TRIM51: variants seen among roughly 807,000 people sequenced by gnomAD.
TRIM51 encodes the protein tripartite motif-containing protein 51.
In TRIM51, 23 loss-of-function variants were observed where a neutral mutation model predicts 32.7. The observed-to-expected ratio is 0.70, with a 90% confidence interval of 0.51 to 1.00. TRIM51 has a LOEUF of 1.00. Among genes scored for constraint, TRIM51 ranks in the 50% least tolerant of loss-of-function variants. TRIM51 has a pLI of 0.00. For missense variants in TRIM51, 592 were observed against 539.2 expected, an observed-to-expected ratio of 1.10 and a Z score of -0.97; for synonymous variants, 177 against 181.9, an observed-to-expected ratio of 0.97 and a Z score of 0.22.
At position 55,891,805 on chromosome 11, in the gene TRIM51, T is replaced by C. The variant is rs185735486; in HGVS notation, c.*173T>C. On this transcript the variant is annotated 3_prime_UTR_variant, in exon 7 of 7. Transcript: ENST00000449290. ...GTTTCTATTAAATATGGTGAAAACA[T>C]TAAAACCATGTGTATTGATTCCTTT... is the stretch of plus-strand genomic sequence containing the variant. 1.9e-3 allele frequency: 1,439 copies of C among 762,072 alleles called. 13 individuals are homozygous for C. Among genetic ancestry groups the C allele is most frequent in the African/African-American group, 0.014 (820 of 56,688 alleles). The allele number at this position is 762,072 out of a possible 1,614,324, so 47.2% of individuals were successfully genotyped here.
intron 2 of TRIM51, 39 bp from the exon 3 acceptor site, chr11:55,886,084 T>C (rs746878666): frequency 1.9e-6 from 3 of 1,579,064 alleles, no homozygotes; most frequent in South Asian, 1.1e-5. Context: ...TGATACTTTA[T>C]TGTCCTCACT....
chr11:55,884,810 A>G (rs1323973228), intron 1 of TRIM51, among the ~76,000 whole-genome samples: 2 of 152,192 alleles, frequency 1.3e-5, no homozygotes, highest in African/African-American at 4.8e-5. Flanking sequence ...TGAGTAGCCC[A>G]AAGAAGAAGT....
chr11:55,886,971 G>C (rs1351118589), intron 3 of TRIM51, among the ~76,000 whole-genome samples: 5 of 151,928 alleles, frequency 3.3e-5, no homozygotes, highest in African/African-American at 1.2e-4. Context: ...TATCAACTTA[G>C]AAAATTAAGG....
rs541338517 is a variant in TRIM51, at chr11:55,886,016, T to C, written c.412-107T>C. The C allele has an allele frequency of 1.7e-3, 2,577 of 1,481,274 alleles. 24 individuals carry two copies. The highest frequency in any genetic ancestry group is 0.015 in the South Asian group (1,167 of 77,352). 91.8% of individuals were successfully genotyped at this position (1,481,274 alleles called of 1,614,324 possible). On this transcript the variant is annotated intron_variant, in intron 2 of 6. Coordinates refer to ENST00000449290, the MANE Select transcript of TRIM51 (RefSeq NM_032681.4). ...ACATGAGGAGAAACAAAGCAAACTCTCTTTTCTGTGGGTTAATTTGTCTCT... is the reference window on the plus strand; with the variant it reads ...ACATGAGGAGAAACAAAGCAAACTCCCTTTTCTGTGGGTTAATTTGTCTCT...
Position 55,891,459 on chromosome 11 carries a change from C to T in TRIM51, c.1186C>T (p.Pro396Ser). 2 of 1,613,260 alleles carry T rather than the reference C, an allele frequency of 1.2e-6. No homozygotes were observed. Among genetic ancestry groups the T allele is most frequent in the South Asian group, 1.1e-5 (1 of 91,076 alleles). The part of the protein sequence containing the change: ...DTHCSLFTTS[P>S]LVVQYVPRPT... ...TCACTGCAGTCTCTTTACCACCTCC[C>T]CACTTGTGGTGCAATATGTTCCAAG... The change falls in exon 7 of 7, where the codon CCA becomes TCA. Residue 396 changes from proline (P) to serine (S), a missense_variant. Coordinates refer to ENST00000449290, the MANE Select transcript of TRIM51 (RefSeq NM_032681.4).
rs150589110 is a variant in TRIM51 at position 55,888,162 on chromosome 11, A to G, written c.638A>G (p.Asn213Ser). 8.7e-6 allele frequency: 14 copies of G among 1,613,626 alleles called. No individual in the cohort carries two copies. Among genetic ancestry groups the G allele is most frequent in the South Asian group, 4.4e-5 (4 of 91,080 alleles). Residue 213 changes from asparagine (N) to serine (S), a missense_variant, in exon 4 of 7, where the codon AAT (asparagine) becomes AGT (serine). Asn to Ser is a conservative substitution (Grantham distance 46). Transcript: ENST00000449290. ...GGCGAGGACATTTTTCAGCAACTCA[A>G]TGAAAGCAAAGCCAGAATGGAACAT... ...KEGEDIFQQLNESKARMEHSR... is the reference protein window; with the variant it reads ...KEGEDIFQQLSESKARMEHSR...
intron 3 of TRIM51, among the ~76,000 whole-genome samples, chr11:55,887,135 G>A (rs1283169997): frequency 6.6e-6 from 1 of 151,912 alleles, no homozygotes; most frequent in Non-Finnish European, 1.5e-5. Context: ...ACAGAGGCCA[G>A]GGACTGGGGA....
intron 3 of TRIM51, among the ~76,000 whole-genome samples, chr11:55,887,821 T>C (rs899291586): frequency 3.3e-5 from 5 of 152,132 alleles, no homozygotes; most frequent in Non-Finnish European, 5.9e-5. Context: ...TTAGAAAACA[T>C]TTTATCATTA....
chr11:55,887,500 A>T (rs1237196250), intron 3 of TRIM51, among the ~76,000 whole-genome samples: 2 of 152,042 alleles, frequency 1.3e-5, no homozygotes, highest in African/African-American at 4.8e-5. Context: ...TTTAATTTGC[A>T]TTTATTTGGG....
Position 55,888,056 on chromosome 11 carries a change from G to A in TRIM51, c.532G>A (p.Ala178Thr), listed in dbSNP as rs753748084. ...WKDYVSLRIE[A>T]IRAEYQKMPA... is the part of the protein sequence containing the mutation. Reference sequence around the variant, plus strand: ...GGATTATGTGAGTTTAAGGATAGAAGCAATCAGAGCTGAATATCAGAAGAT... The same window carrying A: ...GGATTATGTGAGTTTAAGGATAGAAACAATCAGAGCTGAATATCAGAAGAT... The change falls in exon 4 of 7, where the codon GCA becomes ACA. Residue 178 changes from alanine to threonine, a missense_variant. Transcript: ENST00000449290. 5 of 1,609,190 alleles carry A rather than the reference G, an allele frequency of 3.1e-6. No individual in the cohort carries two copies. In the African/African-American group the frequency reaches 6.7e-5, roughly 22 times the overall value.
intron 3 of TRIM51, among the ~76,000 whole-genome samples, chr11:55,886,486 A>G (rs935368837): frequency 4.6e-5 from 7 of 152,256 alleles, no homozygotes; most frequent in Admixed American, 3.9e-4. Context: ...AGAAACTGGG[A>G]CACTTCACAC....
At chr11:55,890,562 C>A (rs1854635602) in intron 6 of TRIM51, among the ~76,000 whole-genome samples, 2 of 152,112 alleles carry the variant, frequency 1.3e-5, no homozygotes, top group South Asian at 4.1e-4. Flanking sequence ...ATGATAATTT[C>A]AGTTTAGTTA....
chr11:55,884,729 C>T (rs1398622573), intron 1 of TRIM51, among the ~76,000 whole-genome samples: 5 of 151,982 alleles, frequency 3.3e-5, no homozygotes, highest in Non-Finnish European at 7.4e-5. Flanking sequence ...TATAATTAAC[C>T]ATAATACCAT....
At chr11:55,889,791 A>T in intron 5 of TRIM51, 151 bp from the exon 6 acceptor site, 1 of 630,176 alleles carries the variant, frequency 1.6e-6, no homozygotes, top group Non-Finnish European at 2.9e-6. Context: ...AACTGTGAAT[A>T]AGAATGGATT....
intron 3 of TRIM51, among the ~76,000 whole-genome samples, chr11:55,886,876 G>A (rs1424490930): frequency 6.6e-6 from 1 of 151,842 alleles, no homozygotes; most frequent in African/African-American, 2.4e-5. Flanking sequence ...TTATATTGAG[G>A]GTATGATATC....
Position 55,888,143 on chromosome 11 carries a change from G to A in TRIM51, c.619G>A (p.Asp207Asn), listed in dbSNP as rs761842882. The A allele has an allele frequency of 1.7e-5, 28 of 1,613,616 alleles. 1 individual carries two copies. In the South Asian group the frequency reaches 3.1e-4, roughly 18 times the overall value. Residue 207 changes from aspartate to asparagine, a missense_variant, in exon 4 of 7, where the codon GAC becomes AAC. Asp to Asn is a conservative substitution (Grantham distance 23). Transcript: ENST00000449290. ...HLERLRKEGEDIFQQLNESKA... is the reference protein window; with the variant it reads ...HLERLRKEGENIFQQLNESKA... ...GGAAAGGCTGCGAAAGGAGGGCGAG[G>A]ACATTTTTCAGCAACTCAATGAAAG...
At chr11:55,887,974 A>G in intron 3 of TRIM51, 58 bp from the exon 4 acceptor site, 1 of 1,217,524 alleles carries the variant, frequency 8.2e-7, no homozygotes, top group Admixed American at 1.8e-5. Flanking sequence ...AAGAGGAATC[A>G]GTGAAATTCA....
In TRIM51 at chr11:55,891,757, T is replaced by C; in HGVS notation, c.*125T>C. 2 of 1,097,664 alleles carry C rather than the reference T, an allele frequency of 1.8e-6. No individual in the cohort carries two copies. The highest frequency in any genetic ancestry group is 2.6e-6 in the Non-Finnish European group (2 of 763,830). The allele number at this position is 1,097,664 out of a possible 1,614,324, so 68.0% of individuals were successfully genotyped here. ...TTTAATGTCTTTAGTTGCATTCTAA[T>C]GTCATCAAAACTCATTTATAGTGTT... On this transcript the variant is annotated 3_prime_UTR_variant, in exon 7 of 7. Coordinates refer to ENST00000449290, the MANE Select transcript of TRIM51 (RefSeq NM_032681.4).
Position 55,890,008 on chromosome 11 carries a change from T to C in TRIM51, c.828T>C (p.Thr276=). ...VNPELSAGPI[T]GLLDSLSGFR... ...CAGAGCTCAGTGCAGGGCCCATCAC[T>C]GGACTGCTGGACAGCCTCAGTGGAT... The change falls in exon 6 of 7, where the codon ACT becomes ACC. Residue 276 remains threonine (T), a synonymous_variant. Coordinates refer to ENST00000449290, the MANE Select transcript of TRIM51 (RefSeq NM_032681.4). The C allele has an allele frequency of 6.2e-7, 1 of 1,613,250 alleles. No individual in the cohort carries two copies.
Sources: gnomAD v4.1 joint callset for allele counts (sites outside exome capture counted in the v4.1 genomes callset) on GRCh38, gnomAD v4.1.1 for gene constraint, MANE v1.5 for transcripts, NCBI Gene and HGNC (gene_info 2026-07-23, HGNC 2026-07-21) for gene names.